ESRRG: variants seen among roughly 807,000 people sequenced by gnomAD.
ESRRG encodes estrogen related receptor gamma, also known as estrogen-related receptor gamma.
In ESRRG, 13 loss-of-function variants were observed where a neutral mutation model predicts 44.0. The ratio of observed to expected loss-of-function variants is 0.30; its 90% CI spans 0.19 to 0.47. ESRRG has a LOEUF of 0.47. Among genes scored for constraint, ESRRG ranks in the 20% least tolerant of loss-of-function variants. ESRRG has a pLI of 1.00. For synonymous variants in ESRRG, 215 were observed against 214.6 expected, an observed-to-expected ratio of 1.00 and a Z score of -0.02; for missense variants, 395 against 580.6, an observed-to-expected ratio of 0.68 and a Z score of 3.29.
intron 1 of ESRRG, among the ~76,000 whole-genome samples, chr1:216,956,507 C>G (rs552848065): frequency 6.6e-6 from 1 of 152,094 alleles, no homozygotes; most frequent in Non-Finnish European, 1.5e-5. Context: ...TGATCACTAT[C>G]GCTTTGTAGT....
intron 1 of ESRRG, among the ~76,000 whole-genome samples, chr1:217,046,788 C>T (rs1008316043): frequency 4.6e-5 from 7 of 151,318 alleles, no homozygotes; most frequent in South Asian, 2.1e-4. Flanking sequence ...GAGGCTGAGG[C>T]GGGAGAATTG....
intron 2 of ESRRG, among the ~76,000 whole-genome samples, chr1:216,833,879 G>A (rs951299091): frequency 2.4e-4 from 36 of 152,130 alleles, no homozygotes; most frequent in Admixed American, 7.2e-4. Flanking sequence ...CTGGCTCGAG[G>A]AGCACCCCAA....
intron 2 of ESRRG, among the ~76,000 whole-genome samples, chr1:216,769,552 A>G (rs1328972606): frequency 6.6e-6 from 1 of 152,170 alleles, no homozygotes; most frequent in East Asian, 1.9e-4. Context: ...TGTGAGGAGA[A>G]CAATCTAGTG....
At chr1:217,040,613 T>C (rs1247942902) in intron 1 of ESRRG, among the ~76,000 whole-genome samples, 1 of 148,834 alleles carries the variant, frequency 6.7e-6, no homozygotes, top group Non-Finnish European at 1.5e-5. Flanking sequence ...TCTATTAAAA[T>C]TTTTTTCCTA....
At chr1:217,024,197 A>ATACAAAAGATTTAGTACT (rs1175532849) in intron 1 of ESRRG, among the ~76,000 whole-genome samples, 1 of 152,046 alleles carries the variant, frequency 6.6e-6, no homozygotes, top group Non-Finnish European at 1.5e-5. Flanking sequence ...TCTCTACTAA[A>ATACAAAAGATTTAGTACT]AATACAAAAG....
intron 1 of ESRRG, among the ~76,000 whole-genome samples, chr1:216,965,169 T>C (rs2150220266): frequency 6.6e-6 from 1 of 151,870 alleles, no homozygotes; most frequent in East Asian, 1.9e-4. Context: ...CCTTTTTTTT[T>C]TTCCTACTTC....
intron 1 of ESRRG, among the ~76,000 whole-genome samples, chr1:217,099,378 A>G (rs114911130): frequency 0.079 from 1,735 of 21,876 alleles, 13 homozygotes; most frequent in Non-Finnish European, 0.33. Flanking sequence ...GAGCAGAGCA[A>G]AAAAAAAAAA....
At chr1:216,976,913 TC>T (rs2073041509) in intron 1 of ESRRG, among the ~76,000 whole-genome samples, 1 of 152,110 alleles carries the variant, frequency 6.6e-6, no homozygotes, top group Non-Finnish European at 1.5e-5. Context: ...ATTTGGAGCT[TC>T]CCCTACTCTT....
At chr1:216,524,657 G>A (rs897480231) in intron 5 of ESRRG, among the ~76,000 whole-genome samples, 1 of 151,996 alleles carries the variant, frequency 6.6e-6, no homozygotes, top group South Asian at 2.1e-4. Context: ...GATTCCATAA[G>A]AAATCTATTT....
At chr1:216,890,606 T>C (rs1344006875) in intron 2 of ESRRG, among the ~76,000 whole-genome samples, 1 of 152,192 alleles carries the variant, frequency 6.6e-6, no homozygotes, top group Non-Finnish European at 1.5e-5. Context: ...ACAGTGAACA[T>C]TTATTGAGCA....
chr1:216,843,439 T>C (rs147717432), intron 2 of ESRRG, among the ~76,000 whole-genome samples: 1 of 152,284 alleles, frequency 6.6e-6, no homozygotes, highest in African/African-American at 2.4e-5. Flanking sequence ...TGCCCCACAT[T>C]GAATTGACAT....
chr1:216,701,138 G>C (rs925501964), intron 1 of ESRRG, among the ~76,000 whole-genome samples: 1 of 152,008 alleles, frequency 6.6e-6, no homozygotes, highest in Admixed American at 6.6e-5. Context: ...CGGAGTTTGG[G>C]GGGGGTATGA....
intron 5 of ESRRG, among the ~76,000 whole-genome samples, chr1:216,538,000 C>T (rs1170909149): frequency 6.6e-6 from 1 of 152,024 alleles, no homozygotes; most frequent in Non-Finnish European, 1.5e-5. Flanking sequence ...AATGCCTTTT[C>T]CCTTCCTTTC....
intron 2 of ESRRG, among the ~76,000 whole-genome samples, chr1:216,768,293 A>G (rs768767132): frequency 6.6e-6 from 1 of 152,192 alleles, no homozygotes; most frequent in Non-Finnish European, 1.5e-5. Flanking sequence ...GTGAAATTTC[A>G]GGAGAACAAA....
At chr1:217,059,692 G>A (rs2087930610) in intron 1 of ESRRG, among the ~76,000 whole-genome samples, 1 of 151,980 alleles carries the variant, frequency 6.6e-6, no homozygotes, top group South Asian at 2.1e-4. Flanking sequence ...GATCAAACCT[G>A]AGTCCAGTCC....
At chr1:217,036,330 T>C (rs1326635304) in intron 1 of ESRRG, among the ~76,000 whole-genome samples, 1 of 152,154 alleles carries the variant, frequency 6.6e-6, no homozygotes, top group Non-Finnish European at 1.5e-5. Flanking sequence ...CAAAGGAATA[T>C]ATATTGTTCT....
At chr1:217,136,971 G>A (rs912418180) in intron 1 of ESRRG, among the ~76,000 whole-genome samples, 1 of 152,204 alleles carries the variant, frequency 6.6e-6, no homozygotes, top group South Asian at 2.1e-4. Flanking sequence ...ATGCAGGGAC[G>A]TTGCTCTGCT....
At chr1:216,613,169 G>A (rs964214240) in intron 3 of ESRRG, among the ~76,000 whole-genome samples, 1 of 152,060 alleles carries the variant, frequency 6.6e-6, no homozygotes, top group Non-Finnish European at 1.5e-5. Flanking sequence ...CTTCTTCTTT[G>A]GAAGTCTTTT....
chr1:217,030,376 T>A (rs1021442593), intron 1 of ESRRG, among the ~76,000 whole-genome samples: 7 of 152,202 alleles, frequency 4.6e-5, no homozygotes, highest in Admixed American at 2.0e-4. Flanking sequence ...ACCATTTTCC[T>A]ATGACTCCCA....
Sources: allele counts gnomAD v4.1 joint callset (sites outside exome capture counted in the v4.1 genomes callset), GRCh38; gene constraint gnomAD v4.1.1; transcripts MANE v1.5; gene names NCBI Gene and HGNC (gene_info 2026-07-23, HGNC 2026-07-21).